LYSMD2: variants seen among roughly 807,000 people sequenced by gnomAD.
LYSMD2 encodes the protein LysM domain containing 2, also known as lysM and putative peptidoglycan-binding domain-containing protein 2.
A neutral mutation model predicts 17.7 loss-of-function variants in LYSMD2; 6 were observed. The observed-to-expected ratio is 0.34, with a 90% confidence interval of 0.19 to 0.67. The LOEUF is 0.67. Among genes scored for constraint, LYSMD2 ranks in the 30% least tolerant of loss-of-function variants. LYSMD2 has a pLI of 0.69. For missense variants in LYSMD2, 237 were observed against 286.7 expected, an observed-to-expected ratio of 0.83 and a Z score of 1.25; for synonymous variants, 102 against 129.8, an observed-to-expected ratio of 0.79 and a Z score of 1.45.
At chr15:51,730,627 A>G (rs923999311) in intron 1 of LYSMD2, among the ~76,000 whole-genome samples, 1 of 152,072 alleles carries the variant, frequency 6.6e-6, no homozygotes, top group Non-Finnish European at 1.5e-5. Flanking sequence ...AAGGTCAAGA[A>G]CTCTTCCCAT....
At chr15:51,739,903 A>G (rs2055634569), upstream of LYSMD2, among the ~76,000 whole-genome samples, 1 of 152,086 alleles carries the variant, frequency 6.6e-6, no homozygotes, top group African/African-American at 2.4e-5. Flanking sequence ...CTCCAGCCTC[A>G]GCAACACAGT....
At chr15:51,739,136 C>G (rs2055630943), upstream of LYSMD2, among the ~76,000 whole-genome samples, 2 of 152,092 alleles carry the variant, frequency 1.3e-5, no homozygotes, top group African/African-American at 4.8e-5. Flanking sequence ...TCCCACCTGC[C>G]CAACTGTTAC....
chr15:51,723,672 T>A, intron 2 of LYSMD2, 23 bp from the exon 3 acceptor site: 1 of 1,571,102 alleles, frequency 6.4e-7, no homozygotes, highest in Non-Finnish European at 8.7e-7. Flanking sequence ...AAATACAGCA[T>A]AAATCAGAGT....
intron 1 of LYSMD2, among the ~76,000 whole-genome samples, chr15:51,746,269 T>TA (rs1418439761): frequency 6.6e-6 from 1 of 152,068 alleles, no homozygotes; most frequent in South Asian, 2.1e-4. Context: ...TATTTGGCCA[T>TA]AAAAAAGAAT....
chr15:51,723,724 C>A, intron 2 of LYSMD2, 75 bp from the exon 3 acceptor site: 2 of 1,077,416 alleles, frequency 1.9e-6, no homozygotes, highest in South Asian at 3.1e-5. Flanking sequence ...ACTTATTATA[C>A]AATATCCACT....
intron 1 of LYSMD2, among the ~76,000 whole-genome samples, chr15:51,732,572 A>G (rs1328659180): frequency 6.6e-6 from 1 of 152,216 alleles, no homozygotes; most frequent in African/African-American, 2.4e-5. Context: ...TAAAAAGGTG[A>G]TGGTAGGAAA....
Position 51,723,529 on chromosome 15 carries a change from T to C in LYSMD2, c.*78A>G. 2 of 1,187,804 alleles carry C rather than the reference T, an allele frequency of 1.7e-6. No individual in the cohort carries two copies. Among genetic ancestry groups the C allele is most frequent in the Non-Finnish European group, 2.5e-6 (2 of 794,860 alleles). The allele number at this position is 1,187,804 out of a possible 1,614,324, so 73.6% of individuals were successfully genotyped here. On this transcript the variant is annotated 3_prime_UTR_variant, in exon 3 of 3. Transcript: ENST00000267838. ...ACACTATAGGAATCCAGAAGGGATGTTTTTGAATCTTCAGTTGTTGGATTC... is the reference window on the plus strand; with the variant it reads ...ACACTATAGGAATCCAGAAGGGATGCTTTTGAATCTTCAGTTGTTGGATTC...
At chr15:51,751,118 G>A (rs530686667) in intron 1 of LYSMD2, among the ~76,000 whole-genome samples, 3 of 152,318 alleles carry the variant, frequency 2.0e-5, no homozygotes, top group Non-Finnish European at 2.9e-5. Context: ...CCGCCACTGC[G>A]CTTGGGCTCT....
chr15:51,737,451 C>T lies in LYSMD2; in HGVS notation c.172G>A (p.Val58Met). ...ACGCCGGCGCCCAGCGGCGCCCGCACGCTGGCGGTGCTGCCGTACGAGCGG... is the reference window on the plus strand; with the variant it reads ...ACGCCGGCGCCCAGCGGCGCCCGCATGCTGGCGGTGCTGCCGTACGAGCGG... ...KTRSYGSTAS[V>M]RAPLGAGVIE... The change falls in exon 1 of 3, where the codon GTG becomes ATG. Residue 58 changes from valine (V) to methionine (M), a missense_variant. Val to Met is a conservative substitution (Grantham distance 21). Transcript: ENST00000267838. The surrounding 1 kb of genome is among the most constrained non-coding windows in gnomAD (Gnocchi z 4.2). 2.1e-6 allele frequency: 3 copies of T among 1,427,956 alleles called. No individual in the cohort carries two copies. Among genetic ancestry groups the T allele is most frequent in the Non-Finnish European group, 2.7e-6 (3 of 1,094,008 alleles). 88.5% of individuals were successfully genotyped at this position (1,427,956 alleles called of 1,614,324 possible). A position where few individuals can be genotyped will look rare whatever the true frequency, so the allele number is the denominator to read the frequency against.
intron 1 of LYSMD2, among the ~76,000 whole-genome samples, chr15:51,728,105 T>A (rs1403463156): frequency 6.6e-6 from 1 of 152,142 alleles, no homozygotes. Flanking sequence ...TCTCCATATA[T>A]CATAATGAAT....
intron 1 of LYSMD2, among the ~76,000 whole-genome samples, chr15:51,728,637 A>C (rs2141593303): frequency 6.6e-6 from 1 of 152,244 alleles, no homozygotes; most frequent in East Asian, 1.9e-4. Flanking sequence ...TGGGAGGCCG[A>C]GGCAGGTGGA....
chr15:51,739,843 C>T (rs2055634309), upstream of LYSMD2, among the ~76,000 whole-genome samples: 1 of 152,166 alleles, frequency 6.6e-6, no homozygotes, highest in Non-Finnish European at 1.5e-5. Flanking sequence ...GGGAGGATTG[C>T]TTAAGCCCAG....
chr15:51,740,845 AG>A (rs1314343640), upstream of LYSMD2, among the ~76,000 whole-genome samples: 1 of 152,196 alleles, frequency 6.6e-6, no homozygotes, highest in African/African-American at 2.4e-5. Flanking sequence ...AAGAAAGAAA[AG>A]TGTGTATTGT....
In LYSMD2 at chr15:51,737,614, A is replaced by G; in HGVS notation, c.9T>C (p.Asp3=). ...CCCGCAGGGACAGTGCGGGCGAGGA[A>G]TCCGCCATGGGTCCTGCCGAGGCCG... MA[D]SSPALSLREG... Residue 3 remains aspartate, a synonymous_variant, in exon 1 of 3, where the codon GAT becomes GAC. Transcript: ENST00000267838. This position sits in a 1 kb window ranked among gnomAD's most constrained non-coding sequence, Gnocchi z 4.2. The G allele has an allele frequency of 8.3e-7, 1 of 1,207,910 alleles. No individual in the cohort carries two copies. Among genetic ancestry groups the G allele is most frequent in the Non-Finnish European group, 1.0e-6 (1 of 973,310 alleles). 74.8% of individuals were successfully genotyped at this position (1,207,910 alleles called of 1,614,324 possible). A position where few individuals can be genotyped will look rare whatever the true frequency, so the allele number is the denominator to read the frequency against.
chr15:51,745,835 G>A (rs1175398113), intron 1 of LYSMD2, among the ~76,000 whole-genome samples: 2 of 152,076 alleles, frequency 1.3e-5, no homozygotes, highest in African/African-American at 4.8e-5. Flanking sequence ...ATATAAAATG[G>A]CAAGTAAGCA....
intron 2 of LYSMD2, 147 bp downstream of exon 2, chr15:51,724,643 A>G (rs76748711): frequency 1.5e-3 from 386 of 263,098 alleles, no homozygotes; most frequent in South Asian, 2.5e-3. Context: ...ATTAAGAAAG[A>G]AAGAAATTAA....
chr15:51,750,848 C>A (rs1477784306), intron 1 of LYSMD2, among the ~76,000 whole-genome samples: 1 of 152,156 alleles, frequency 6.6e-6, no homozygotes, highest in Non-Finnish European at 1.5e-5. Context: ...GACTAACAAA[C>A]CCAGTGGATT....
At chr15:51,742,255 G>C (rs1368485785), upstream of LYSMD2, among the ~76,000 whole-genome samples, 2 of 152,106 alleles carry the variant, frequency 1.3e-5, no homozygotes, top group East Asian at 3.9e-4. Flanking sequence ...GGCCAGGCTG[G>C]TCTTGAACTC....
At position 51,723,293 on chromosome 15, in the gene LYSMD2, A is replaced by C. The variant is rs1292233631; in HGVS notation, c.*314T>G. ...AGGAGATAAACATTATTTTTAGCCT[A>C]AATATATAAATAATCTTTGATGCTT... is the stretch of plus-strand genomic sequence containing the variant. On this transcript the variant is annotated 3_prime_UTR_variant, in exon 3 of 3. Transcript: ENST00000267838. 2.0e-5 allele frequency: 5 copies of C among 255,992 alleles called. No homozygotes were observed. Among genetic ancestry groups the C allele is most frequent in the Admixed American group, 5.0e-5 (1 of 20,074 alleles). The allele number at this position is 255,992 out of a possible 1,614,324, so 15.9% of individuals were successfully genotyped here.
Sources: gnomAD v4.1 joint callset for allele counts (sites outside exome capture counted in the v4.1 genomes callset) on GRCh38, gnomAD v4.1.1 for gene constraint, Gnocchi (gnomAD v3.1) non-coding constraint, MANE v1.5 for transcripts, NCBI Gene and HGNC (gene_info 2026-07-23, HGNC 2026-07-21) for gene names.